Variants in TMEM74 observed in about 807,000 individuals in gnomAD.
TMEM74 encodes the protein transmembrane protein 74.
A neutral mutation model predicts 18.1 loss-of-function variants in TMEM74; 13 were observed. The ratio of observed to expected loss-of-function variants is 0.72; its 90% CI spans 0.47 to 1.14. TMEM74 has a LOEUF of 1.14. Ranked by LOEUF, TMEM74 falls within the 50% of genes most tolerant of loss-of-function variation. TMEM74 has a pLI of 0.00. For synonymous variants in TMEM74, 159 were observed against 146.6 expected (o/e 1.08, Z -0.61); for missense variants, 372 against 375.9 (o/e 0.99, Z 0.09).
intron 2 of TMEM74, among the ~76,000 whole-genome samples, chr8:108,634,313 A>G (rs987026474): frequency 6.6e-6 from 1 of 151,984 alleles, no homozygotes; most frequent in African/African-American, 2.4e-5. Flanking sequence ...GAAGAGAAAA[A>G]TCATGTTTTG....
intron 1 of TMEM74, among the ~76,000 whole-genome samples, chr8:108,685,298 C>T (rs1813156464): frequency 6.6e-6 from 1 of 152,030 alleles, no homozygotes; most frequent in African/African-American, 2.4e-5. Flanking sequence ...TATCCTGCAA[C>T]TTTACTGAAT....
chr8:108,714,515 T>C (rs1399650059), intron 1 of TMEM74, among the ~76,000 whole-genome samples: 4 of 152,076 alleles, frequency 2.6e-5, no homozygotes, highest in South Asian at 2.1e-4. Context: ...CTGACAAAGA[T>C]AGAAAATGAG....
intron 2 of TMEM74, among the ~76,000 whole-genome samples, chr8:108,648,222 C>CA (rs1436801972): frequency 6.6e-6 from 1 of 152,014 alleles, no homozygotes; most frequent in Non-Finnish European, 1.5e-5. Flanking sequence ...TTGTTTTGGT[C>CA]AAAAGGACAT....
chr8:108,761,100 A>G (rs1188716967), intron 1 of TMEM74, among the ~76,000 whole-genome samples: 1 of 152,058 alleles, frequency 6.6e-6, no homozygotes, highest in Non-Finnish European at 1.5e-5. Flanking sequence ...CTATTCGTTC[A>G]TCAATTCGTT....
At chr8:108,734,058 T>C (rs1813721250) in intron 1 of TMEM74, among the ~76,000 whole-genome samples, 1 of 152,210 alleles carries the variant, frequency 6.6e-6, no homozygotes, top group Non-Finnish European at 1.5e-5. Flanking sequence ...TCTGTGAGTG[T>C]GTTCCTGGAG....
intron 1 of TMEM74, among the ~76,000 whole-genome samples, chr8:108,700,020 A>G (rs1813319671): frequency 6.6e-6 from 1 of 152,052 alleles, no homozygotes; most frequent in African/African-American, 2.4e-5. Context: ...TAATTCCTAT[A>G]TTTTGTGACA....
chr8:108,611,633 T>C (rs2130533847), intron 2 of TMEM74, among the ~76,000 whole-genome samples: 1 of 152,330 alleles, frequency 6.6e-6, no homozygotes, highest in South Asian at 2.1e-4. Flanking sequence ...TTTATATGTG[T>C]TGTTGCCGAT....
rs552978462 is a variant in TMEM74, at chr8:108,673,032, A to C, written n.120-17595T>G. On this transcript the variant is annotated intron_variant and non_coding_transcript_variant, in intron 1 of 3. Transcript: ENST00000518838. ...ACAACTTTTCAACTTCATTTATCTT[A>C]TGTAGCAGAGACGTAAATAGAGCAT... Among the ~76,000 whole-genome samples the C allele has an allele frequency of 4.7e-4, 71 of 152,328 alleles. 1 individual carries two copies. In the South Asian group the frequency reaches 0.014, roughly 30 times the overall value.
chr8:108,714,230 G>A (rs910412276), intron 1 of TMEM74, among the ~76,000 whole-genome samples: 1 of 152,108 alleles, frequency 6.6e-6, no homozygotes, highest in African/African-American at 2.4e-5. Context: ...GACTAATCTG[G>A]TCTAAAAGAG....
At chr8:108,675,271 A>C (rs1813045228) in intron 1 of TMEM74, among the ~76,000 whole-genome samples, 1 of 152,156 alleles carries the variant, frequency 6.6e-6, no homozygotes, top group South Asian at 2.1e-4. Flanking sequence ...TTGAATCCTG[A>C]TATCAGTATC....
rs1242245455 is a variant in TMEM74, at chr8:108,781,328, G to A, written c.*2853C>T. On this transcript the variant is annotated 3_prime_UTR_variant, in exon 2 of 2. Coordinates refer to ENST00000297459, the MANE Select transcript of TMEM74 (RefSeq NM_153015.3). ...ATTGTATGCCCAATGTCTATAGAAT[G>A]CATCACCTGGTCTTGCCAAAGTACC... 1.3e-5 allele frequency among the ~76,000 whole-genome samples: 2 copies of A among 152,156 alleles called. No homozygotes were observed. The highest frequency in any genetic ancestry group is 4.8e-5 in the African/African-American group (2 of 41,442).
At chr8:108,764,964 T>A (rs1814086343) in intron 1 of TMEM74, among the ~76,000 whole-genome samples, 1 of 152,136 alleles carries the variant, frequency 6.6e-6, no homozygotes, top group African/African-American at 2.4e-5. Context: ...CTTCATCCAC[T>A]CGCTATATCA....
downstream of TMEM74, among the ~76,000 whole-genome samples, chr8:108,777,583 T>C (rs1814247507): frequency 6.6e-6 from 1 of 152,214 alleles, no homozygotes; most frequent in Non-Finnish European, 1.5e-5. Flanking sequence ...CTATTTTCTT[T>C]AGTTTATAAA....
chr8:108,732,953 A>G (rs923543373), intron 1 of TMEM74, among the ~76,000 whole-genome samples: 3 of 152,112 alleles, frequency 2.0e-5, no homozygotes, highest in African/African-American at 7.2e-5. Flanking sequence ...AAGATCATCA[A>G]TCCTCAGGAA....
intron 1 of TMEM74, among the ~76,000 whole-genome samples, chr8:108,688,594 C>A (rs1210119075): frequency 6.6e-6 from 1 of 152,098 alleles, no homozygotes; most frequent in South Asian, 2.1e-4. Flanking sequence ...GGTTTTGGAG[C>A]AAACTACAGA....
At chr8:108,710,772 C>T (rs1029618320) in intron 1 of TMEM74, among the ~76,000 whole-genome samples, 20 of 152,188 alleles carry the variant, frequency 1.3e-4, no homozygotes, top group Middle Eastern at 3.2e-3. Context: ...TCTGGCTCCC[C>T]ACTGTCCATC....
intron 2 of TMEM74, chr8:108,626,621 A>G (rs1229968804): frequency 6.6e-6 from 1 of 152,072 alleles, no homozygotes; most frequent in Non-Finnish European, 1.5e-5. Flanking sequence ...GGACTGGAAA[A>G]TCATTGACAA....
chr8:108,779,213 A>G lies in TMEM74; in HGVS notation c.*4968T>C, dbSNP rs536931381. Among the ~76,000 whole-genome samples the G allele has an allele frequency of 8.5e-5, 13 of 152,186 alleles. No individual in the cohort carries two copies. The highest frequency in any genetic ancestry group is 1.8e-4 in the Non-Finnish European group (12 of 68,020). On this transcript the variant is annotated 3_prime_UTR_variant, in exon 2 of 2. Transcript: ENST00000297459. ...CCTTGAAAATATCAAAAAGCACATAATCAATGTCAAATTATTTTTGTTTGG... is the reference window on the plus strand; with the variant it reads ...CCTTGAAAATATCAAAAAGCACATAGTCAATGTCAAATTATTTTTGTTTGG...
At chr8:108,646,450 A>T (rs1054116338) in intron 2 of TMEM74, among the ~76,000 whole-genome samples, 7 of 152,182 alleles carry the variant, frequency 4.6e-5, no homozygotes, top group Admixed American at 2.0e-4. Context: ...TTTGAGTTTT[A>T]AATGCAAGAT....
Sources: gnomAD v4.1 joint callset for allele counts (sites outside exome capture counted in the v4.1 genomes callset) on GRCh38, gnomAD v4.1.1 for gene constraint, MANE v1.5 for transcripts, NCBI Gene and HGNC (gene_info 2026-07-23, HGNC 2026-07-21) for gene names.